Variants in EIF3H observed in about 807,000 individuals in gnomAD.
EIF3H encodes eIF-3-gamma.
A neutral mutation model predicts 44.2 loss-of-function variants in EIF3H; 26 were observed. That is an observed-to-expected ratio of 0.59 (90% CI 0.43 to 0.82). The LOEUF is 0.82. Ranked by LOEUF, EIF3H falls within the 40% of genes least tolerant of loss-of-function variation. EIF3H has a pLI of 0.00. For missense variants in EIF3H, 359 were observed against 432.8 expected (o/e 0.83, Z 1.51); for synonymous variants, 166 against 151.9 (o/e 1.09, Z -0.68).
At chr8:116,739,859 T>C (rs778953163) in intron 1 of EIF3H, among the ~76,000 whole-genome samples, 1 of 152,086 alleles carries the variant, frequency 6.6e-6, no homozygotes, top group South Asian at 2.1e-4. Context: ...TTAGCCAAAA[T>C]AGACATGAAA....
At chr8:116,734,950 T>C (rs1209174756) in intron 1 of EIF3H, among the ~76,000 whole-genome samples, 1 of 152,248 alleles carries the variant, frequency 6.6e-6, no homozygotes, top group Non-Finnish European at 1.5e-5. Flanking sequence ...CACAATATAC[T>C]AGTAAAATCC....
chr8:116,650,715 T>C (rs1157424766), intron 5 of EIF3H, among the ~76,000 whole-genome samples: 1 of 152,122 alleles, frequency 6.6e-6, no homozygotes, highest in Admixed American at 6.5e-5. Context: ...TCCAGGCTGG[T>C]GCAGTGGGGC....
intron 2 of EIF3H, among the ~76,000 whole-genome samples, chr8:116,677,807 T>C (rs1362479504): frequency 2.6e-5 from 4 of 152,238 alleles, no homozygotes; most frequent in East Asian, 1.9e-4. Context: ...CTGTGATTCT[T>C]TGATTCTGTT....
At chr8:116,718,189 T>G (rs1814686354) in intron 2 of EIF3H, among the ~76,000 whole-genome samples, 1 of 151,994 alleles carries the variant, frequency 6.6e-6, no homozygotes, top group Admixed American at 6.6e-5. Context: ...ACCTTACTCC[T>G]AGCTAAAACG....
chr8:116,650,652 G>A (rs967092621), intron 5 of EIF3H, among the ~76,000 whole-genome samples: 1 of 152,092 alleles, frequency 6.6e-6, no homozygotes, highest in Admixed American at 6.5e-5. Flanking sequence ...GACACAAAAG[G>A]CTGCTTATTG....
At chr8:116,667,123 G>A (rs1813683945) in intron 2 of EIF3H, among the ~76,000 whole-genome samples, 1 of 152,158 alleles carries the variant, frequency 6.6e-6, no homozygotes, top group Non-Finnish European at 1.5e-5. Context: ...CTTGAACAAA[G>A]TGAATCAGGC....
intron 1 of EIF3H, among the ~76,000 whole-genome samples, chr8:116,738,210 C>T (rs1815075274): frequency 1.3e-5 from 2 of 152,008 alleles, no homozygotes; most frequent in South Asian, 4.1e-4. Flanking sequence ...TGTGGAGTTT[C>T]ACAAAATAGA....
chr8:116,708,137 C>T (rs571666039), intron 2 of EIF3H, among the ~76,000 whole-genome samples: 19 of 152,098 alleles, frequency 1.2e-4, no homozygotes, highest in African/African-American at 4.1e-4. Flanking sequence ...TCCAAAAAGA[C>T]GGTAACATTC....
intron 2 of EIF3H, among the ~76,000 whole-genome samples, chr8:116,705,267 T>C (rs978641612): frequency 3.4e-4 from 52 of 152,220 alleles, no homozygotes; most frequent in Non-Finnish European, 7.4e-5. Flanking sequence ...GTTCAGACTA[T>C]GAAAATATTA....
intron 2 of EIF3H, among the ~76,000 whole-genome samples, chr8:116,725,282 G>GA (rs1314952785): frequency 6.6e-6 from 1 of 152,102 alleles, no homozygotes; most frequent in Non-Finnish European, 1.5e-5. Context: ...GAAAGAGGTG[G>GA]AAAAAGGGAT....
chr8:116,656,122 T>C (rs946125051), intron 4 of EIF3H, 117 bp from the exon 5 acceptor site: 13 of 824,346 alleles, frequency 1.6e-5, no homozygotes, highest in Non-Finnish European at 2.3e-5. Flanking sequence ...TCATTAGCAC[T>C]CTTAAAAAAA....
intron 1 of EIF3H, among the ~76,000 whole-genome samples, chr8:116,752,735 G>GAGAA (rs1232609397): frequency 4.2e-5 from 3 of 70,834 alleles, no homozygotes; most frequent in African/African-American, 1.1e-4. Context: ...AAAGAAAGAA[G>GAGAA]AGAAAGAAAG....
At chr8:116,696,758 T>C (rs2130871632) in intron 2 of EIF3H, among the ~76,000 whole-genome samples, 1 of 152,328 alleles carries the variant, frequency 6.6e-6, no homozygotes, top group African/African-American at 2.4e-5. Flanking sequence ...CATTTATTTA[T>C]TCCCTGTATC....
chr8:116,755,439 C>T (rs950710875), intron 1 of EIF3H, among the ~76,000 whole-genome samples: 3 of 152,202 alleles, frequency 2.0e-5, no homozygotes, highest in African/African-American at 7.2e-5. Context: ...CACTCACACC[C>T]CTATTCTCAG....
chr8:116,742,660 T>A (rs892203602), intron 1 of EIF3H, among the ~76,000 whole-genome samples: 6 of 152,238 alleles, frequency 3.9e-5, no homozygotes, highest in Non-Finnish European at 8.8e-5. Context: ...ACTGCTTAAA[T>A]AGAAGGCAGG....
chr8:116,660,237 G>A (rs1023496009), intron 2 of EIF3H, among the ~76,000 whole-genome samples: 3 of 152,124 alleles, frequency 2.0e-5, no homozygotes, highest in African/African-American at 7.2e-5. Flanking sequence ...CTGAGTAAAC[G>A]TATTTGCTTA....
intron 2 of EIF3H, among the ~76,000 whole-genome samples, chr8:116,669,557 G>A (rs1348369715): frequency 6.6e-6 from 1 of 152,166 alleles, no homozygotes; most frequent in African/African-American, 2.4e-5. Context: ...ATAGCAAACA[G>A]CTTTATCATA....
At chr8:116,737,527 G>T (rs1276054781) in intron 1 of EIF3H, among the ~76,000 whole-genome samples, 2 of 151,840 alleles carry the variant, frequency 1.3e-5, no homozygotes, top group Non-Finnish European at 2.9e-5. Context: ...ATGGTGGCTG[G>T]CACCTGTAAC....
At chr8:116,723,675 G>A (rs968490196) in intron 2 of EIF3H, among the ~76,000 whole-genome samples, 1 of 152,118 alleles carries the variant, frequency 6.6e-6, no homozygotes, top group African/African-American at 2.4e-5. Context: ...AAGTTAATGT[G>A]ATCAGTTAAA....
Sources: gnomAD v4.1 joint callset for allele counts (sites outside exome capture counted in the v4.1 genomes callset) on GRCh38, gnomAD v4.1.1 for gene constraint, MANE v1.5 for transcripts, NCBI Gene and HGNC (gene_info 2026-07-23, HGNC 2026-07-21) for gene names.